Variants in TRPM3 observed in about 807,000 individuals in gnomAD.
The protein encoded by TRPM3 is transient receptor potential cation channel subfamily M member 3, also known as long transient receptor potential channel 3.
In TRPM3, 77 loss-of-function variants were observed where a neutral mutation model predicts 181.2. The observed-to-expected ratio is 0.42, with a 90% CI of 0.35 to 0.51. TRPM3 has a LOEUF of 0.51. TRPM3 is among the 20% of genes least tolerant of loss of function. The probability of loss-of-function intolerance (pLI) is 0.01; values close to 1 mark genes in which losing one functional copy is unlikely to be tolerated. For missense variants in TRPM3, 1,759 were observed against 2,196.7 expected, an observed-to-expected ratio of 0.80 and a Z score of 3.98; for synonymous variants, 745 against 796.4, an observed-to-expected ratio of 0.94 and a Z score of 1.09.
chr9:70,635,462 A>T (rs370840567), intron 11 of TRPM3, among the ~76,000 whole-genome samples: 21 of 113,104 alleles, frequency 1.9e-4, no homozygotes, highest in East Asian at 2.7e-4. Context: ...TTTGTCAGTG[A>T]TTTTTTTTTT....
Position 71,035,982 on chromosome 9 carries a change from C to CTTT in TRPM3, c.177+85193_177+85195dup, listed in dbSNP as rs35101881. Among the ~76,000 whole-genome samples, 337 of 98,150 alleles carry CTTT rather than the reference C, an allele frequency of 3.4e-3. 3 individuals carry two copies. Among genetic ancestry groups the CTTT allele is most frequent in the Non-Finnish European group, 3.9e-3 (199 of 50,830 alleles). The allele number at this position is 98,150 out of a possible 152,430, so 64.4% of individuals were successfully genotyped here. On this transcript the variant is annotated intron_variant, in intron 1 of 25. Transcript: ENST00000677713. ...CTCAACTTGGTGATGCAAACATAGG[C>CTTT]TTTTTTTTTTTTTTTTTTTTAATTT...
chr9:71,283,764 T>G (rs554444905), intron 1 of TRPM3, among the ~76,000 whole-genome samples: 1 of 152,382 alleles, frequency 6.6e-6, no homozygotes, highest in Admixed American at 6.5e-5. Context: ...CTTTTGGATC[T>G]ATACCCAGCT....
At chr9:71,224,223 G>A (rs1321042896) in intron 1 of TRPM3, among the ~76,000 whole-genome samples, 1 of 152,204 alleles carries the variant, frequency 6.6e-6, no homozygotes, top group Non-Finnish European at 1.5e-5. Context: ...TTGAGAGAAA[G>A]TAAGGGAAGA....
At chr9:71,122,859 A>G (rs1207498393), upstream of TRPM3, among the ~76,000 whole-genome samples, 3 of 152,212 alleles carry the variant, frequency 2.0e-5, no homozygotes, top group East Asian at 1.9e-4. Flanking sequence ...CTACCAAACA[A>G]TATCACTTTA....
chr9:70,776,462 T>G, intron 7 of TRPM3: 1 of 709,532 alleles, frequency 1.4e-6, no homozygotes, highest in Non-Finnish European at 2.6e-6. Flanking sequence ...TTTCTTTCTC[T>G]TTTTAGATTG....
chr9:71,397,904 T>C, intron 1 of TRPM3, among the ~76,000 whole-genome samples: 1 of 152,148 alleles, frequency 6.6e-6, no homozygotes, highest in East Asian at 1.9e-4. Context: ...GACTGACAAA[T>C]ATAATGGACT....
chr9:71,416,100 A>G (rs1009083649), intron 1 of TRPM3, among the ~76,000 whole-genome samples: 2 of 151,396 alleles, frequency 1.3e-5, no homozygotes, highest in Non-Finnish European at 3.0e-5. Context: ...ATTGTATTTC[A>G]CAAAGAAAAA....
chr9:70,875,209 G>T (rs1396878202), intron 1 of TRPM3, among the ~76,000 whole-genome samples: 4 of 151,936 alleles, frequency 2.6e-5, no homozygotes, highest in African/African-American at 9.7e-5. Flanking sequence ...TGACCTTGGA[G>T]GAGTGACTTA....
At chr9:70,681,034 A>C (rs1455682707) in intron 9 of TRPM3, among the ~76,000 whole-genome samples, 1 of 151,474 alleles carries the variant, frequency 6.6e-6, no homozygotes. Context: ...ACAGTACCAT[A>C]ATTTTTTTCC....
chr9:71,091,616 T>G (rs622990), intron 1 of TRPM3, among the ~76,000 whole-genome samples: 35,122 of 152,038 alleles, frequency 0.23, 4,740 homozygotes, highest in East Asian at 0.33. Flanking sequence ...AGCAACATTG[T>G]GCACCTGAAG....
At chr9:71,194,958 T>C (rs2078255567) in intron 1 of TRPM3, among the ~76,000 whole-genome samples, 1 of 151,986 alleles carries the variant, frequency 6.6e-6, no homozygotes, top group Non-Finnish European at 1.5e-5. Context: ...GATCATGACA[T>C]ATACATCACA....
chr9:71,088,445 C>T (rs945081554), intron 1 of TRPM3, among the ~76,000 whole-genome samples: 2 of 152,080 alleles, frequency 1.3e-5, no homozygotes, highest in African/African-American at 4.8e-5. Flanking sequence ...ACACAAAATA[C>T]ACTTGGGAAC....
At chr9:71,195,873 C>T (rs771079044) in intron 1 of TRPM3, among the ~76,000 whole-genome samples, 6 of 151,970 alleles carry the variant, frequency 3.9e-5, no homozygotes, top group East Asian at 1.9e-4. Context: ...AACCAAATAT[C>T]GCATGATCTC....
chr9:71,228,452 A>G (rs946133419), intron 1 of TRPM3, among the ~76,000 whole-genome samples: 2 of 152,200 alleles, frequency 1.3e-5, no homozygotes, highest in African/African-American at 4.8e-5. Context: ...GTTATTCAAC[A>G]TAGTACTAGA....
At chr9:71,364,886 T>C (rs2092284549) in intron 1 of TRPM3, among the ~76,000 whole-genome samples, 1 of 152,232 alleles carries the variant, frequency 6.6e-6, no homozygotes, top group South Asian at 2.1e-4. Context: ...ATCACATGAA[T>C]GTTCATAAGC....
At chr9:71,188,722 C>T (rs2077833085) in intron 1 of TRPM3, among the ~76,000 whole-genome samples, 3 of 151,874 alleles carry the variant, frequency 2.0e-5, no homozygotes, top group South Asian at 4.1e-4. Flanking sequence ...AGTCACTATG[C>T]TTTCTTACCT....
At chr9:70,794,507 G>T (rs2086498414) in intron 6 of TRPM3, among the ~76,000 whole-genome samples, 1 of 152,000 alleles carries the variant, frequency 6.6e-6, no homozygotes, top group Non-Finnish European at 1.5e-5. Context: ...GAAGGGCTTT[G>T]CCCCTCACCA....
Position 70,789,263 on chromosome 9 carries a change from A to G in TRPM3, c.974-4984T>C, listed in dbSNP as rs141621639. 6.4e-4 allele frequency among the ~76,000 whole-genome samples: 97 copies of G among 152,300 alleles called. 2 individuals carry two copies. The highest frequency in any genetic ancestry group is 2.1e-3 in the African/African-American group (89 of 41,580). ...CATAAAGAAAACATTTTGGGAATCCACTGCATATCCAGCTGGGCTGGATTC... is the reference window on the plus strand; with the variant it reads ...CATAAAGAAAACATTTTGGGAATCCGCTGCATATCCAGCTGGGCTGGATTC... On this transcript the variant is annotated intron_variant, in intron 6 of 25. Transcript: ENST00000677713.
At chr9:70,899,188 G>A (rs2096344555) in intron 1 of TRPM3, among the ~76,000 whole-genome samples, 1 of 152,194 alleles carries the variant, frequency 6.6e-6, no homozygotes, top group African/African-American at 2.4e-5. Context: ...AGAGATTTCA[G>A]TTTATAGAGT....
Sources: gnomAD v4.1 joint callset for allele counts (sites outside exome capture counted in the v4.1 genomes callset) on GRCh38, gnomAD v4.1.1 for gene constraint, MANE v1.5 for transcripts, NCBI Gene and HGNC (gene_info 2026-07-23, HGNC 2026-07-21) for gene names.